GALNT18: variants seen among roughly 807,000 people sequenced by gnomAD.
GALNT18 encodes the protein GalNAc-transferase 18.
Under a neutral mutation model 69.5 loss-of-function variants are expected in GALNT18, and 44 were observed. That is an observed-to-expected ratio of 0.63 (90% CI 0.50 to 0.81). The LOEUF (loss-of-function observed/expected upper bound fraction) is 0.81. Among genes scored for constraint, GALNT18 ranks in the 40% least tolerant of loss-of-function variants. GALNT18 has a pLI of 0.00. For synonymous variants in GALNT18, 364 were observed against 318.2 expected (o/e 1.14, Z -1.53); for missense variants, 715 against 810.0 (o/e 0.88, Z 1.42).
chr11:11,285,955 G>A (rs1480200307), intron 10 of GALNT18, among the ~76,000 whole-genome samples: 1 of 152,178 alleles, frequency 6.6e-6, no homozygotes, highest in Non-Finnish European at 1.5e-5. Flanking sequence ...AGTCTCTTCT[G>A]GGCAGTCTCA....
intron 10 of GALNT18, among the ~76,000 whole-genome samples, chr11:11,283,557 T>C (rs1376326158): frequency 6.6e-6 from 1 of 152,166 alleles, no homozygotes; most frequent in East Asian, 1.9e-4. Context: ...AAGGGACACA[T>C]GTTAGCCGAC....
chr11:11,357,871 T>C (rs1171306392), intron 6 of GALNT18, among the ~76,000 whole-genome samples: 1 of 152,230 alleles, frequency 6.6e-6, no homozygotes, highest in East Asian at 1.9e-4. Context: ...TGGTAGGTGC[T>C]TTATAAATAT....
At chr11:11,416,585 T>C (rs540161935) in intron 3 of GALNT18, among the ~76,000 whole-genome samples, 1 of 152,314 alleles carries the variant, frequency 6.6e-6, no homozygotes, top group South Asian at 2.1e-4. Context: ...TTTGTAAAGC[T>C]CCAACTCACA....
rs1857842220 is a variant in GALNT18 at position 11,538,782 on chromosome 11, A to T, written c.235+82577T>A. On this transcript the variant is annotated intron_variant, in intron 1 of 10. Coordinates refer to ENST00000227756, the MANE Select transcript of GALNT18 (RefSeq NM_198516.3). The surrounding 1 kb of genome is among the most constrained non-coding windows in gnomAD (Gnocchi z 5.2). Reference sequence around the variant, plus strand: ...AAGCACCTGGCCCCAGGGCCTGCACATCGCAGGCCCGCTGATCTCCTTACT... The same window carrying T: ...AAGCACCTGGCCCCAGGGCCTGCACTTCGCAGGCCCGCTGATCTCCTTACT... Among the ~76,000 whole-genome samples the T allele has an allele frequency of 6.6e-6, 1 of 152,104 alleles. No individual in the cohort carries two copies. The highest frequency in any genetic ancestry group is 6.5e-5 in the Admixed American group (1 of 15,286).
At chr11:11,321,930 G>A (rs16909447) in intron 9 of GALNT18, among the ~76,000 whole-genome samples, 21,573 of 152,176 alleles carry the variant, frequency 0.14, 2,143 homozygotes, top group Admixed American at 0.31. Context: ...ACCAGGGCAG[G>A]CCCCCATGGC....
Position 11,511,110 on chromosome 11 carries a change from G to T in GALNT18, c.236-62174C>A, listed in dbSNP as rs1045428531. The stretch of plus-strand genomic sequence containing the variant: ...AGAGAGGGCCAGGCTGCAGCTGAAG[G>T]CCTTCTCTCCCGGGGGTTGTAAAAA... On this transcript the variant is annotated intron_variant, in intron 1 of 10. Coordinates refer to ENST00000227756, the MANE Select transcript of GALNT18 (RefSeq NM_198516.3). This position sits in a 1 kb window ranked among gnomAD's most constrained non-coding sequence, Gnocchi z 4.9. 1.3e-5 allele frequency among the ~76,000 whole-genome samples: 2 copies of T among 149,836 alleles called. No homozygotes were observed. The highest frequency in any genetic ancestry group is 4.8e-5 in the African/African-American group (2 of 41,334).
chr11:11,536,050 C>T (rs1474921469), intron 1 of GALNT18, among the ~76,000 whole-genome samples: 1 of 152,194 alleles, frequency 6.6e-6, no homozygotes, highest in South Asian at 2.1e-4. Context: ...ATGGTTTAGT[C>T]TAAGCAAGCA....
At chr11:11,283,526 G>A (rs967150361) in intron 10 of GALNT18, among the ~76,000 whole-genome samples, 3 of 152,162 alleles carry the variant, frequency 2.0e-5, no homozygotes, top group Admixed American at 6.5e-5. Context: ...TGGGCACAGA[G>A]CATTGGAGGA....
chr11:11,311,163 C>G (rs1849667547), intron 9 of GALNT18, among the ~76,000 whole-genome samples: 1 of 152,042 alleles, frequency 6.6e-6, no homozygotes, highest in African/African-American at 2.4e-5. Context: ...AAGAACTGCC[C>G]CACCTAAAAA....
intron 2 of GALNT18, among the ~76,000 whole-genome samples, chr11:11,440,415 A>G (rs183454016): frequency 2.2e-4 from 33 of 152,240 alleles, no homozygotes; most frequent in African/African-American, 7.9e-4. Context: ...GGCCCATAGC[A>G]CCTACAGCTG....
Position 11,347,531 on chromosome 11 carries a change from G to A in GALNT18, c.1093-6527C>T, listed in dbSNP as rs1484156919. ...TACGGTTACCATGGGTAAGGGACTG[G>A]GGTTGGTGGCACTTCAGCCTTGTAC... On this transcript the variant is annotated intron_variant, in intron 6 of 10. Transcript: ENST00000227756. This position sits in a 1 kb window ranked among gnomAD's most constrained non-coding sequence, Gnocchi z 4.0. Among the ~76,000 whole-genome samples the A allele has an allele frequency of 3.3e-5, 5 of 152,156 alleles. No individual in the cohort carries two copies. Among genetic ancestry groups the A allele is most frequent in the Non-Finnish European group, 7.4e-5 (5 of 68,020 alleles).
chr11:11,414,199 G>T (rs1427785875), intron 3 of GALNT18, among the ~76,000 whole-genome samples: 2 of 152,034 alleles, frequency 1.3e-5, no homozygotes, highest in East Asian at 3.8e-4. Flanking sequence ...ATTTTCCTGT[G>T]GCTACTCTTA....
chr11:11,354,611 T>C (rs1850488206), intron 6 of GALNT18, among the ~76,000 whole-genome samples: 1 of 152,208 alleles, frequency 6.6e-6, no homozygotes, highest in Non-Finnish European at 1.5e-5. Flanking sequence ...GGAAGAAGTT[T>C]AGAGGCCCCT....
chr11:11,335,363 G>A (rs184334374), intron 7 of GALNT18, among the ~76,000 whole-genome samples: 2 of 152,276 alleles, frequency 1.3e-5, no homozygotes, highest in Admixed American at 1.3e-4. Context: ...CATTTTAATA[G>A]TTCAGCATAT....
At position 11,613,523 on chromosome 11, in the gene GALNT18, C is replaced by T. The variant is rs1039101158; in HGVS notation, c.235+7836G>A. Among the ~76,000 whole-genome samples the T allele has an allele frequency of 1.3e-5, 2 of 152,184 alleles. No homozygotes were observed. The highest frequency in any genetic ancestry group is 2.1e-4 in the South Asian group (1 of 4,830). On this transcript the variant is annotated intron_variant, in intron 1 of 10. Transcript: ENST00000227756. The surrounding 1 kb of genome is among the most constrained non-coding windows in gnomAD (Gnocchi z 4.2). Reference sequence around the variant, plus strand: ...AATGCAATGTGTTAGGAGGTGCATCCTCCTAGCCCTGCCCTAGGGCACATG... The same window carrying T: ...AATGCAATGTGTTAGGAGGTGCATCTTCCTAGCCCTGCCCTAGGGCACATG...
chr11:11,344,120 C>G (rs1564902706), intron 6 of GALNT18, among the ~76,000 whole-genome samples: 1 of 152,234 alleles, frequency 6.6e-6, no homozygotes, highest in South Asian at 2.1e-4. Context: ...CTCTCCTGCA[C>G]CATGCCCCTG....
At chr11:11,570,068 C>A (rs1037483439) in intron 1 of GALNT18, 1 of 152,138 alleles carries the variant, frequency 6.6e-6, no homozygotes, top group African/African-American at 2.4e-5. Context: ...GGAGCTCAGC[C>A]AGGCTGGGAG....
At chr11:11,280,194 A>G (rs1304709178) in intron 10 of GALNT18, among the ~76,000 whole-genome samples, 1 of 152,148 alleles carries the variant, frequency 6.6e-6, no homozygotes, top group Non-Finnish European at 1.5e-5. Flanking sequence ...CACAGAGACC[A>G]AAGAATAAAC....
At position 11,318,324 on chromosome 11, in the gene GALNT18, T is replaced by C. The variant is rs1849790215; in HGVS notation, c.1512+8762A>G. The stretch of plus-strand genomic sequence containing the variant: ...CATTGCAGATATAATTAAATTTGCA[T>C]GAGGTCACACAGAAGTAGAATGGAC... On this transcript the variant is annotated intron_variant, in intron 9 of 10. Coordinates refer to ENST00000227756, the MANE Select transcript of GALNT18 (RefSeq NM_198516.3). This position sits in a 1 kb window ranked among gnomAD's most constrained non-coding sequence, Gnocchi z 5.1. 6.6e-6 allele frequency among the ~76,000 whole-genome samples: 1 copy of C among 152,192 alleles called. No homozygotes were observed. The highest frequency in any genetic ancestry group is 2.4e-5 in the African/African-American group (1 of 41,442).
Sources: gnomAD v4.1 joint callset for allele counts (sites outside exome capture counted in the v4.1 genomes callset) on GRCh38, gnomAD v4.1.1 for gene constraint, Gnocchi (gnomAD v3.1) non-coding constraint, MANE v1.5 for transcripts, NCBI Gene and HGNC (gene_info 2026-07-23, HGNC 2026-07-21) for gene names.